TACC2: variants seen among roughly 807,000 people sequenced by gnomAD.
The protein encoded by TACC2 is transforming acidic coiled-coil containing protein 2, also known as transforming acidic coiled-coil-containing protein 2.
In TACC2, 137 loss-of-function variants were observed where a neutral mutation model predicts 227.3. That is an observed-to-expected ratio of 0.60 (90% CI 0.52 to 0.69). The LOEUF is 0.69. Among genes scored for constraint, TACC2 ranks in the 30% least tolerant of loss-of-function variants. TACC2 has a pLI of 0.00. For synonymous variants in TACC2, 1,523 were observed against 1,487.5 expected (o/e 1.02, Z -0.55); for missense variants, 3,470 against 3,694.4 (o/e 0.94, Z 1.57).
At chr10:122,043,357 T>C (rs1366975330) in intron 2 of TACC2, among the ~76,000 whole-genome samples, 1 of 152,172 alleles carries the variant, frequency 6.6e-6, no homozygotes, top group African/African-American at 2.4e-5. Flanking sequence ...GCAGATATGA[T>C]TTACTAAATA....
intron 3 of TACC2, among the ~76,000 whole-genome samples, chr10:122,070,745 T>G (rs1448186715): frequency 1.5e-5 from 2 of 129,488 alleles, no homozygotes; most frequent in Admixed American, 8.7e-5. Flanking sequence ...AAGAGCAAAA[T>G]TCCGTCTCAA....
At chr10:122,074,928 C>T (rs1045626681) in intron 3 of TACC2, among the ~76,000 whole-genome samples, 2 of 152,062 alleles carry the variant, frequency 1.3e-5, no homozygotes, top group Non-Finnish European at 2.9e-5. Flanking sequence ...AAGTCATTCG[C>T]ACAACATATC....
chr10:122,021,364 A>G (rs1055088247), intron 1 of TACC2, among the ~76,000 whole-genome samples: 4 of 152,198 alleles, frequency 2.6e-5, no homozygotes, highest in African/African-American at 9.6e-5. Flanking sequence ...CATTTTCCTT[A>G]GCAAGAAAGC....
At chr10:121,999,948 G>T (rs911823775) in intron 1 of TACC2, among the ~76,000 whole-genome samples, 5 of 152,228 alleles carry the variant, frequency 3.3e-5, no homozygotes, top group African/African-American at 1.2e-4. Flanking sequence ...GGAGCCAGGA[G>T]TAGTGGTCAG....
At chr10:122,191,388 G>A (rs183941780) in intron 7 of TACC2, among the ~76,000 whole-genome samples, 1 of 152,278 alleles carries the variant, frequency 6.6e-6, no homozygotes, top group Admixed American at 6.5e-5. Context: ...TGCTTTTCAT[G>A]CTGAGAATTA....
chr10:121,991,858 G>A (rs1055698457), intron 1 of TACC2, among the ~76,000 whole-genome samples: 8 of 152,226 alleles, frequency 5.3e-5, no homozygotes, highest in Non-Finnish European at 7.3e-5. Flanking sequence ...GTTCCGTGTG[G>A]CTGGGGAGGC....
chr10:122,136,553 A>G lies in TACC2; in HGVS notation c.5699+3819A>G, dbSNP rs865861541. On this transcript the variant is annotated intron_variant, in intron 6 of 22. Transcript: ENST00000369005. ...TATGTTTGTGTGTGTGTGTATATAT[A>G]TATATATATATATATATTAGATGTA... 2.2e-3 allele frequency among the ~76,000 whole-genome samples: 324 copies of G among 149,946 alleles called. 3 individuals are homozygous for G. The highest frequency in any genetic ancestry group is 7.4e-3 in the East Asian group (38 of 5,108).
Position 122,194,384 on chromosome 10 carries a change from C to T in TACC2, c.5835-656C>T, listed in dbSNP as rs568209743. ...CCAGCGAGGGCCATTTTCACTGTGT[C>T]GGGGTTGGTGGCCGTGCTTTGTGTC... On this transcript the variant is annotated intron_variant, in intron 7 of 22. Coordinates refer to ENST00000369005, the MANE Select transcript of TACC2 (RefSeq NM_206862.4). The surrounding 1 kb of genome is among the most constrained non-coding windows in gnomAD (Gnocchi z 4.4). Among the ~76,000 whole-genome samples, 3 of 152,152 alleles carry T rather than the reference C, an allele frequency of 2.0e-5. No homozygotes were observed. The highest frequency in any genetic ancestry group is 4.4e-5 in the Non-Finnish European group (3 of 68,022).
intron 5 of TACC2, among the ~76,000 whole-genome samples, chr10:122,123,745 G>T (rs2086280874): frequency 6.6e-6 from 1 of 151,944 alleles, no homozygotes; most frequent in Non-Finnish European, 1.5e-5. Context: ...AACTATGCCG[G>T]TGTTCTGAAG....
intron 7 of TACC2, among the ~76,000 whole-genome samples, chr10:122,175,105 G>C (rs2093641223): frequency 6.6e-6 from 1 of 152,008 alleles, no homozygotes. Flanking sequence ...CTAGTAGCTG[G>C]GACACCCCTG....
chr10:122,165,751 A>T (rs1423528617), intron 7 of TACC2, among the ~76,000 whole-genome samples: 1 of 152,174 alleles, frequency 6.6e-6, no homozygotes, highest in Non-Finnish European at 1.5e-5. Flanking sequence ...TTACGATAGT[A>T]TATTCACTCA....
chr10:122,128,668 T>G (rs1009522156), intron 5 of TACC2, among the ~76,000 whole-genome samples: 1 of 152,246 alleles, frequency 6.6e-6, no homozygotes, highest in African/African-American at 2.4e-5. Context: ...TGGAAGTTGT[T>G]CCCTGGCACT....
chr10:122,228,026 G>A lies in TACC2; in HGVS notation c.7896+18G>A, dbSNP rs752419115. On this transcript the variant is annotated intron_variant, in intron 14 of 22. Coordinates refer to ENST00000369005, the MANE Select transcript of TACC2 (RefSeq NM_206862.4). The stretch of plus-strand genomic sequence containing the variant: ...TTGAAATTGTAAGTGGAGTTGGAGG[G>A]CCCCAGATCACAGGGGATGAGGTGT... 1.2e-6 allele frequency: 2 copies of A among 1,608,096 alleles called. No homozygotes were observed. The highest frequency in any genetic ancestry group is 3.3e-5 in the Admixed American group (2 of 59,830).
At chr10:122,170,565 G>A (rs1293249024) in intron 7 of TACC2, among the ~76,000 whole-genome samples, 2 of 152,116 alleles carry the variant, frequency 1.3e-5, no homozygotes, top group African/African-American at 4.8e-5. Flanking sequence ...GCCTCCCGAA[G>A]TGCTGGGATC....
At chr10:122,045,018 G>A (rs954671372) in intron 2 of TACC2, among the ~76,000 whole-genome samples, 19 of 152,148 alleles carry the variant, frequency 1.2e-4, no homozygotes, top group African/African-American at 4.6e-4. Context: ...AAGCAATAGA[G>A]CTTAAGACTA....
At chr10:122,153,107 T>G (rs1167620137) in intron 7 of TACC2, among the ~76,000 whole-genome samples, 1 of 151,702 alleles carries the variant, frequency 6.6e-6, no homozygotes, top group Non-Finnish European at 1.5e-5. Flanking sequence ...GCAATTGTCC[T>G]GCCTCAGCAT....
At position 122,239,370 on chromosome 10, in the gene TACC2, G is replaced by A. The variant is rs78724047; in HGVS notation, c.8348+1333G>A. 7.3e-3 allele frequency among the ~76,000 whole-genome samples: 1,114 copies of A among 152,282 alleles called. 18 individuals are homozygous for A. The highest frequency in any genetic ancestry group is 0.026 in the African/African-American group (1,063 of 41,556). On this transcript the variant is annotated intron_variant, in intron 18 of 22. Coordinates refer to ENST00000369005, the MANE Select transcript of TACC2 (RefSeq NM_206862.4). ...TGGCTACCATTTTAAGCAGAAAAGCGAACTGTAGGTAATCATATCCCGTTT... is the reference window on the plus strand; with the variant it reads ...TGGCTACCATTTTAAGCAGAAAAGCAAACTGTAGGTAATCATATCCCGTTT...
intron 9 of TACC2, among the ~76,000 whole-genome samples, chr10:122,214,283 A>T (rs1232077887): frequency 6.6e-6 from 1 of 152,246 alleles, no homozygotes; most frequent in East Asian, 1.9e-4. Flanking sequence ...GAATAAATAT[A>T]TGCTTCAAGC....
chr10:122,002,031 A>G (rs1954429774), intron 1 of TACC2, among the ~76,000 whole-genome samples: 1 of 152,232 alleles, frequency 6.6e-6, no homozygotes, highest in South Asian at 2.1e-4. Context: ...GAATTAAACA[A>G]CAGAAATTTA....
Sources: gnomAD v4.1 joint callset for allele counts (sites outside exome capture counted in the v4.1 genomes callset) on GRCh38, gnomAD v4.1.1 for gene constraint, Gnocchi (gnomAD v3.1) non-coding constraint, MANE v1.5 for transcripts, NCBI Gene and HGNC (gene_info 2026-07-23, HGNC 2026-07-21) for gene names.